ABLIM1: variants seen among roughly 807,000 people sequenced by gnomAD.
The protein encoded by ABLIM1 is actin binding LIM protein 1.
A neutral mutation model predicts 107.0 loss-of-function variants in ABLIM1; 40 were observed. That is an observed-to-expected ratio of 0.37 (90% CI 0.29 to 0.49). The LOEUF is 0.49. ABLIM1 is among the 20% of genes least tolerant of loss of function. The probability of loss-of-function intolerance (pLI) is 0.97; values close to 1 mark genes in which losing one functional copy is unlikely to be tolerated. For missense variants in ABLIM1, 857 were observed against 1,008.5 expected, an observed-to-expected ratio of 0.85 and a Z score of 2.04; for synonymous variants, 357 against 357.3, an observed-to-expected ratio of 1.00 and a Z score of 0.01.
intron 4 of ABLIM1, among the ~76,000 whole-genome samples, chr10:114,561,305 A>G (rs2069665435): frequency 6.6e-6 from 1 of 152,248 alleles, no homozygotes; most frequent in Non-Finnish European, 1.5e-5. Context: ...AAGGGGCAGA[A>G]TGTCACTTTT....
At chr10:114,721,490 A>AT (rs369853318) in intron 1 of ABLIM1, among the ~76,000 whole-genome samples, 112 of 149,012 alleles carry the variant, frequency 7.5e-4, no homozygotes, top group Middle Eastern at 3.5e-3. Context: ...TGAGCAGATA[A>AT]TTTTTTTTTT....
At chr10:114,603,752 G>A (rs1175173873) in intron 1 of ABLIM1, among the ~76,000 whole-genome samples, 2 of 151,596 alleles carry the variant, frequency 1.3e-5, no homozygotes, top group African/African-American at 2.4e-5. Context: ...TCAGGACTTC[G>A]AGACCAGCCT....
At chr10:114,798,246 C>G in the ABLIM1 span, among the ~76,000 whole-genome samples, 1 of 151,710 alleles carries the variant, frequency 6.6e-6, no homozygotes, top group Non-Finnish European at 1.5e-5. Context: ...CATGGCGAAA[C>G]CCCATCTCTA....
intron 4 of ABLIM1, among the ~76,000 whole-genome samples, chr10:114,555,863 A>G (rs10160023): frequency 6.6e-6 from 1 of 152,062 alleles, no homozygotes; most frequent in Non-Finnish European, 1.5e-5. Context: ...TTAAAAAAAA[A>G]CAAAAAACCA....
intron 2 of ABLIM1, among the ~76,000 whole-genome samples, chr10:114,599,247 A>G (rs2075754261): frequency 6.6e-6 from 1 of 152,220 alleles, no homozygotes; most frequent in South Asian, 2.1e-4. Context: ...TAATTTAAAC[A>G]AAAACTCAAC....
intron 1 of ABLIM1, among the ~76,000 whole-genome samples, chr10:114,694,369 T>A (rs887029493): frequency 2.6e-5 from 4 of 152,176 alleles, no homozygotes; most frequent in Non-Finnish European, 5.9e-5. Context: ...GAAGGGAGGC[T>A]CTACATTTTC....
At chr10:114,486,553 G>C (rs979972466) in intron 8 of ABLIM1, among the ~76,000 whole-genome samples, 3 of 152,040 alleles carry the variant, frequency 2.0e-5, no homozygotes, top group African/African-American at 7.2e-5. Flanking sequence ...CCAGAGTCTA[G>C]AGCCCACAAC....
rs542123500 is a variant in ABLIM1 at position 114,435,221 on chromosome 10, C to G, written c.*1039G>C. 1.3e-5 allele frequency: 2 copies of G among 152,280 alleles called. No individual in the cohort carries two copies. Among genetic ancestry groups the G allele is most frequent in the African/African-American group, 4.8e-5 (2 of 41,554 alleles). The allele number at this position is 152,280 out of a possible 1,614,324, so 9.4% of individuals were successfully genotyped here. A position where few individuals can be genotyped will look rare whatever the true frequency, so the allele number is the denominator to read the frequency against. On this transcript the variant is annotated 3_prime_UTR_variant, in exon 23 of 23. Transcript: ENST00000533213. Reference sequence around the variant, plus strand: ...AAGAGAAAAACATGTCTTTCCTTAGCCTATTATTGAAAGAAACCTTAAAAA... The same window carrying G: ...AAGAGAAAAACATGTCTTTCCTTAGGCTATTATTGAAAGAAACCTTAAAAA...
At chr10:114,723,673 G>A (rs1385338209) in intron 1 of ABLIM1, among the ~76,000 whole-genome samples, 1 of 152,220 alleles carries the variant, frequency 6.6e-6, no homozygotes, top group South Asian at 2.1e-4. Context: ...TACATAAATT[G>A]AGTAGAAATA....
upstream of ABLIM1, among the ~76,000 whole-genome samples, chr10:114,687,008 T>C (rs2080957295): frequency 6.6e-6 from 1 of 152,172 alleles, no homozygotes; most frequent in Admixed American, 6.5e-5. Flanking sequence ...GTGTGTTCCT[T>C]ATCTTAAAAA....
chr10:114,755,171 C>T (rs1028568906), intron 1 of ABLIM1, among the ~76,000 whole-genome samples: 6 of 152,154 alleles, frequency 3.9e-5, no homozygotes, highest in African/African-American at 1.4e-4. Context: ...GTCAGATCAG[C>T]GGCAACAGAT....
chr10:114,790,072 C>T, the ABLIM1 span, among the ~76,000 whole-genome samples: 17 of 152,304 alleles, frequency 1.1e-4, no homozygotes, highest in Non-Finnish European at 1.3e-4. Flanking sequence ...GGATTACAGG[C>T]GTGAGCCACT....
At position 114,649,734 on chromosome 10, in the gene ABLIM1, C is replaced by T. The variant is rs150018304; in HGVS notation, c.244+8223G>A. Among the ~76,000 whole-genome samples, 75 of 152,260 alleles carry T rather than the reference C, an allele frequency of 4.9e-4. 2 individuals carry two copies. In the East Asian group the frequency reaches 0.012, roughly 25 times the overall value. ...GACAGAATCACCCATCTGCTGACCA[C>T]GTATTCACCTTATATTACCTTCCTA... On this transcript the variant is annotated intron_variant, in intron 1 of 22. Transcript: ENST00000533213.
intron 1 of ABLIM1, among the ~76,000 whole-genome samples, chr10:114,642,674 C>T (rs752702970): frequency 3.7e-4 from 57 of 152,036 alleles, no homozygotes; most frequent in Admixed American, 2.0e-3. Context: ...CAGCTGAATT[C>T]ACAGATTTAA....
At chr10:114,497,515 T>TA (rs903609389) in intron 6 of ABLIM1, among the ~76,000 whole-genome samples, 3 of 151,460 alleles carry the variant, frequency 2.0e-5, no homozygotes, top group African/African-American at 2.4e-5. Flanking sequence ...CCGTTTCTAC[T>TA]AAAAAAAATA....
intron 1 of ABLIM1, among the ~76,000 whole-genome samples, chr10:114,711,870 T>C (rs2081555603): frequency 6.6e-6 from 1 of 152,022 alleles, no homozygotes; most frequent in Non-Finnish European, 1.5e-5. Flanking sequence ...TCCTGCTAAG[T>C]GCCCCCCGCA....
chr10:114,738,835 C>G (rs2082233975), intron 1 of ABLIM1, among the ~76,000 whole-genome samples: 1 of 151,878 alleles, frequency 6.6e-6, no homozygotes, highest in Non-Finnish European at 1.5e-5. Flanking sequence ...AGATAGACTT[C>G]TTGTTTTTCT....
At chr10:114,777,361 T>G in the ABLIM1 span, among the ~76,000 whole-genome samples, 2 of 152,220 alleles carry the variant, frequency 1.3e-5, no homozygotes, top group Non-Finnish European at 2.9e-5. Context: ...AACTTATTAA[T>G]CATAATTATT....
chr10:114,686,699 G>A (rs115086542), upstream of ABLIM1, among the ~76,000 whole-genome samples: 2,519 of 152,008 alleles, frequency 0.017, 66 homozygotes, highest in African/African-American at 0.056. Context: ...CACAATCACA[G>A]CTCACTGCAG....
Sources: gnomAD v4.1 joint callset for allele counts (sites outside exome capture counted in the v4.1 genomes callset) on GRCh38, gnomAD v4.1.1 for gene constraint, MANE v1.5 for transcripts, NCBI Gene and HGNC (gene_info 2026-07-23, HGNC 2026-07-21) for gene names.